Variants in SH2D3C observed in about 807,000 individuals in gnomAD.
SH2D3C encodes the protein SH2 domain containing 3C, also known as SH2 domain-containing protein 3C.
Under a neutral mutation model 75.2 loss-of-function variants are expected in SH2D3C, and 25 were observed. That is an observed-to-expected ratio of 0.33 (90% CI 0.24 to 0.46). The LOEUF (loss-of-function observed/expected upper bound fraction) is 0.46. Among genes scored for constraint, SH2D3C ranks in the 20% least tolerant of loss-of-function variants. The pLI is 1.00. For missense variants in SH2D3C, 933 were observed against 1,165.3 expected (o/e 0.80, Z 2.90); for synonymous variants, 450 against 473.7 (o/e 0.95, Z 0.65).
At chr9:127,771,882 G>C (rs1289638617) in intron 2 of SH2D3C, among the ~76,000 whole-genome samples, 1 of 152,236 alleles carries the variant, frequency 6.6e-6, no homozygotes, top group Admixed American at 6.5e-5. Context: ...CATTTACTGA[G>C]TGCAGCATGC....
At position 127,749,122 on chromosome 9, in the gene SH2D3C, C is replaced by T; in HGVS notation, c.1139+89G>A. ...CACAGAGGCTCCAGGAGAGTAATTT[C>T]ATCCCATTTCAGTGTACCTAGGCCT... is the stretch of plus-strand genomic sequence containing the variant. On this transcript the variant is annotated intron_variant, in intron 5 of 11. Transcript: ENST00000314830. This position sits in a 1 kb window ranked among gnomAD's most constrained non-coding sequence, Gnocchi z 5.9. The T allele has an allele frequency of 1.0e-6, 1 of 972,338 alleles. No individual in the cohort carries two copies. Among genetic ancestry groups the T allele is most frequent in the South Asian group, 1.6e-5 (1 of 63,550 alleles). The allele number at this position is 972,338 out of a possible 1,614,324, so 60.2% of individuals were successfully genotyped here.
Position 127,739,654 on chromosome 9 carries a change from G to A in SH2D3C, c.2407+28C>T. 1.9e-6 allele frequency: 3 copies of A among 1,579,490 alleles called. No individual in the cohort carries two copies. The highest frequency in any genetic ancestry group is 1.7e-6 in the Non-Finnish European group (2 of 1,158,798). The stretch of plus-strand genomic sequence containing the variant: ...GGTGGAGGGAGGCCCAGGCCTGCAA[G>A]CCCCCCAAGATGCCACCCGCCACTC... On this transcript the variant is annotated intron_variant, in intron 11 of 11. Transcript: ENST00000314830. This position sits in a 1 kb window ranked among gnomAD's most constrained non-coding sequence, Gnocchi z 4.3.
Position 127,751,321 on chromosome 9 carries a change from G to T in SH2D3C, c.556-21C>A. 1.2e-6 allele frequency: 2 copies of T among 1,612,006 alleles called. No individual in the cohort carries two copies. The highest frequency in any genetic ancestry group is 1.7e-6 in the Non-Finnish European group (2 of 1,178,632). ...GAGAACTGGGTAGAAAACAGCAAGA[G>T]TTGGCATCCAACTTAAAGTCTCCTT... On this transcript the variant is annotated intron_variant, in intron 3 of 11. Coordinates refer to ENST00000314830, the MANE Select transcript of SH2D3C (RefSeq NM_170600.3). The surrounding 1 kb of genome is among the most constrained non-coding windows in gnomAD (Gnocchi z 4.1).
At chr9:127,764,309 T>TC (rs1380072841) in intron 2 of SH2D3C, among the ~76,000 whole-genome samples, 12 of 152,224 alleles carry the variant, frequency 7.9e-5, no homozygotes, top group Admixed American at 7.8e-4. Context: ...CTCTGACATG[T>TC]CCAAGACACA....
At chr9:127,752,246 T>A (rs1283482966) in intron 3 of SH2D3C, among the ~76,000 whole-genome samples, 1 of 152,094 alleles carries the variant, frequency 6.6e-6, no homozygotes, top group Non-Finnish European at 1.5e-5. Context: ...CCTTGTGAGC[T>A]CTCTGGGCCT....
In SH2D3C at chr9:127,739,651, C is replaced by A. The variant is rs1020334612; in HGVS notation, c.2407+31G>T. On this transcript the variant is annotated intron_variant, in intron 11 of 11. Transcript: ENST00000314830. The surrounding 1 kb of genome is among the most constrained non-coding windows in gnomAD (Gnocchi z 4.3). The stretch of plus-strand genomic sequence containing the variant: ...GCAGGTGGAGGGAGGCCCAGGCCTG[C>A]AAGCCCCCCAAGATGCCACCCGCCA... 4.4e-6 allele frequency: 7 copies of A among 1,576,378 alleles called. No individual in the cohort carries two copies. The African/African-American group carries it at 8.1e-5, about 18-fold the overall frequency.
intron 2 of SH2D3C, among the ~76,000 whole-genome samples, chr9:127,769,209 T>C (rs1470348377): frequency 6.6e-6 from 1 of 152,170 alleles, no homozygotes; most frequent in East Asian, 1.9e-4. Context: ...TGTACCTCAG[T>C]CAAAATGACA....
intron 5 of SH2D3C, among the ~76,000 whole-genome samples, chr9:127,748,724 A>G (rs2131751554): frequency 6.6e-6 from 1 of 152,316 alleles, no homozygotes; most frequent in African/African-American, 2.4e-5. Flanking sequence ...TTAGCCCCGG[A>G]GACAACCAGG....
At position 127,751,132 on chromosome 9, in the gene SH2D3C, G is replaced by A. The variant is rs747259093; in HGVS notation, c.684+40C>T. On this transcript the variant is annotated intron_variant, in intron 4 of 11. Transcript: ENST00000314830. This position sits in a 1 kb window ranked among gnomAD's most constrained non-coding sequence, Gnocchi z 4.1. ...CTGGGGCTGGCCAAGGCAGTGGGTG[G>A]GAGGGTCCCGGGTTGAAGTCCAGCT... 8.6e-5 allele frequency: 138 copies of A among 1,608,754 alleles called. 1 individual carries two copies. Among genetic ancestry groups the A allele is most frequent in the Admixed American group, 2.5e-4 (15 of 59,726 alleles).
intron 3 of SH2D3C, chr9:127,755,275 A>T: frequency 1.2e-6 from 1 of 860,234 alleles, no homozygotes; most frequent in East Asian, 1.3e-4. Context: ...CGGCGCGATT[A>T]CCTCATCGCC....
At chr9:127,767,041 C>T (rs971701258) in intron 2 of SH2D3C, 9 of 1,536,096 alleles carry the variant, frequency 5.9e-6, no homozygotes, top group Non-Finnish European at 7.0e-6. Context: ...GCCGGGAAGG[C>T]TCTTGGCTTT....
In SH2D3C at chr9:127,757,624, G is replaced by GATT. The variant is rs1491078502; in HGVS notation, c.555+3986_555+3987insAAT. On this transcript the variant is annotated intron_variant, in intron 3 of 11. Transcript: ENST00000314830. ...CCCAGATGATGATGATGATGATGAT[G>GATT]ATGATGATGATGATGATGATGATTA... Among the ~76,000 whole-genome samples, 58 of 117,026 alleles carry GATT rather than the reference G, an allele frequency of 5.0e-4. 1 individual carries two copies. The highest frequency in any genetic ancestry group is 1.2e-3 in the African/African-American group (37 of 31,446). 76.8% of individuals were successfully genotyped at this position (117,026 alleles called of 152,430 possible).
intron 6 of SH2D3C, 116 bp from the exon 7 acceptor site, chr9:127,745,215 T>C: frequency 6.4e-6 from 5 of 778,140 alleles, no homozygotes; most frequent in Non-Finnish European, 9.2e-6. Flanking sequence ...ACAGAGGTGA[T>C]GTCCCCACCT....
chr9:127,760,552 C>T (rs1246109267), intron 3 of SH2D3C, among the ~76,000 whole-genome samples: 1 of 151,908 alleles, frequency 6.6e-6, no homozygotes, highest in Non-Finnish European at 1.5e-5. Flanking sequence ...ATGTAACAAA[C>T]CTGCACATTC....
At chr9:127,777,865 C>T (rs1829052827) in intron 1 of SH2D3C, among the ~76,000 whole-genome samples, 1 of 151,268 alleles carries the variant, frequency 6.6e-6, no homozygotes, top group Non-Finnish European at 1.5e-5. Flanking sequence ...CAAAGAGAAA[C>T]AGAAACAAGG....
chr9:127,745,394 C>A (rs781186237), intron 6 of SH2D3C, among the ~76,000 whole-genome samples: 58 of 151,746 alleles, frequency 3.8e-4, no homozygotes, highest in Middle Eastern at 3.2e-3. Context: ...AAGCTGAGTA[C>A]CTGCTGGAGT....
At chr9:127,771,278 C>T (rs759790602) in intron 2 of SH2D3C, 39 of 1,520,914 alleles carry the variant, frequency 2.6e-5, no homozygotes, top group Admixed American at 1.1e-4. Context: ...CTAAACCCAG[C>T]GGCTCCTGCC....
chr9:127,748,630 T>C (rs1185990238), intron 5 of SH2D3C, among the ~76,000 whole-genome samples: 1 of 152,222 alleles, frequency 6.6e-6, no homozygotes. Flanking sequence ...GTTGATGAGA[T>C]TGGGCACATA....
chr9:127,771,271 A>C, intron 2 of SH2D3C: 1 of 1,530,060 alleles, frequency 6.5e-7, no homozygotes, highest in Non-Finnish European at 8.8e-7. Context: ...GGACCTCCTA[A>C]ACCCAGCGGC....
Sources: gnomAD v4.1 joint callset for allele counts (sites outside exome capture counted in the v4.1 genomes callset) on GRCh38, gnomAD v4.1.1 for gene constraint, Gnocchi (gnomAD v3.1) non-coding constraint, MANE v1.5 for transcripts, NCBI Gene and HGNC (gene_info 2026-07-23, HGNC 2026-07-21) for gene names.